The following BOC variants were observed in gnomAD, a reference collection of about 807,000 sequenced individuals.
The protein encoded by BOC is BOC cell adhesion associated, oncogene regulated.
Under a neutral mutation model 112.0 loss-of-function variants are expected in BOC, and 76 were observed. The ratio of observed to expected loss-of-function variants is 0.68; its 90% CI spans 0.56 to 0.82. The LOEUF is 0.82. BOC is among the 40% of genes least tolerant of loss of function. The pLI, the probability that BOC is intolerant of heterozygous loss-of-function variation, is 0.00. For missense variants in BOC, 1,309 were observed against 1,511.7 expected (o/e 0.87, Z 2.22); for synonymous variants, 580 against 599.8 (o/e 0.97, Z 0.48).
rs1339713809 is a variant in BOC at position 113,284,442 on chromosome 3, T to C, written c.2764T>C (p.Tyr922His). The C allele has an allele frequency of 1.9e-6, 3 of 1,614,220 alleles. No homozygotes were observed. The highest frequency in any genetic ancestry group is 2.5e-6 in the Non-Finnish European group (3 of 1,180,008). The change falls in exon 17 of 20, where the codon TAC (tyrosine) becomes CAC (histidine). Residue 922 changes from tyrosine to histidine, a missense_variant. Coordinates refer to ENST00000682979, the MANE Select transcript of BOC (RefSeq NM_001378074.1). ...AGGCCACCAGGCCAGTGGACAGCCC[T>C]ACCTCAGTGGCATCAGTGGACGGGC... Reference protein sequence around the residue: ...LPGHQASGQPYLSGISGRACA... With the variant: ...LPGHQASGQPHLSGISGRACA...
At chr3:113,235,408 A>C (rs533009516) in intron 2 of BOC, among the ~76,000 whole-genome samples, 1 of 152,212 alleles carries the variant, frequency 6.6e-6, no homozygotes, top group South Asian at 2.1e-4. Flanking sequence ...TGGGGCTGGG[A>C]GTGGGAGTCC....
intron 4 of BOC, among the ~76,000 whole-genome samples, chr3:113,252,318 C>T (rs1283607185): frequency 2.6e-5 from 4 of 152,204 alleles, no homozygotes; most frequent in African/African-American, 7.2e-5. Flanking sequence ...AGCAGCACCC[C>T]GTTATCCCTG....
At chr3:113,222,958 G>A (rs1261500641) in intron 2 of BOC, among the ~76,000 whole-genome samples, 3 of 152,214 alleles carry the variant, frequency 2.0e-5, no homozygotes, top group Non-Finnish European at 2.9e-5. Flanking sequence ...GGTGACAGAC[G>A]GTCCCTGCCA....
intron 4 of BOC, 119 bp downstream of exon 4, chr3:113,250,952 C>T (rs1204201903): frequency 2.3e-6 from 3 of 1,289,090 alleles, no homozygotes; most frequent in Non-Finnish European, 3.2e-6. Flanking sequence ...GCCTTAACTG[C>T]AGAAATGTCA....
intron 2 of BOC, among the ~76,000 whole-genome samples, chr3:113,222,707 G>T (rs1027067985): frequency 1.3e-5 from 2 of 150,368 alleles, no homozygotes; most frequent in African/African-American, 4.9e-5. Flanking sequence ...AGACGCAGGG[G>T]GGTGCCCAGC....
chr3:113,246,745 T>C (rs1944965662), intron 2 of BOC, among the ~76,000 whole-genome samples: 1 of 152,148 alleles, frequency 6.6e-6, no homozygotes, highest in African/African-American at 2.4e-5. Flanking sequence ...GCATCCTGTT[T>C]TGGGGTCCTT....
intron 2 of BOC, among the ~76,000 whole-genome samples, chr3:113,245,922 C>T (rs938752275): frequency 6.6e-6 from 1 of 152,180 alleles, no homozygotes; most frequent in African/African-American, 2.4e-5. Flanking sequence ...GAGCCGACGG[C>T]TTTTTGTGGT....
intron 19 of BOC, among the ~76,000 whole-genome samples, chr3:113,286,332 A>G (rs1175447644): frequency 6.6e-6 from 1 of 152,188 alleles, no homozygotes; most frequent in Non-Finnish European, 1.5e-5. Flanking sequence ...TGTAACCAGA[A>G]GCCATAGCAA....
intron 2 of BOC, among the ~76,000 whole-genome samples, chr3:113,220,449 A>G (rs1940389980): frequency 6.6e-6 from 1 of 152,116 alleles, no homozygotes; most frequent in Non-Finnish European, 1.5e-5. Context: ...GTGTGACTTT[A>G]TTTCCCTGTT....
At chr3:113,221,689 G>A (rs1940690418) in intron 2 of BOC, among the ~76,000 whole-genome samples, 1 of 152,220 alleles carries the variant, frequency 6.6e-6, no homozygotes, top group Non-Finnish European at 1.5e-5. Context: ...CTTCCTAAGT[G>A]TTCTCTCTGC....
chr3:113,211,478 CCCTCCT>C (rs55869342), upstream of BOC: 3 of 151,390 alleles, frequency 2.0e-5, no homozygotes, highest in Non-Finnish European at 4.4e-5. Flanking sequence ...CTCCTCCACT[CCCTCCT>C]CCTCCTCCTC....
chr3:113,282,686 G>C (rs1949305920), intron 15 of BOC, among the ~76,000 whole-genome samples: 2 of 152,026 alleles, frequency 1.3e-5, no homozygotes, highest in South Asian at 4.1e-4. Context: ...AATATACAGA[G>C]AGTACAGACG....
At position 113,274,264 on chromosome 3, in the gene BOC, G is replaced by C; in HGVS notation, c.1235-111G>C. On this transcript the variant is annotated intron_variant, in intron 8 of 19. Transcript: ENST00000682979. This position sits in a 1 kb window ranked among gnomAD's most constrained non-coding sequence, Gnocchi z 4.8. Reference sequence around the variant, plus strand: ...CAGAGTGGGTGGCGGTACAGCTGATGGTGGGCCCAGGTTGCCTCTCTGTCT... The same window carrying C: ...CAGAGTGGGTGGCGGTACAGCTGATCGTGGGCCCAGGTTGCCTCTCTGTCT... The C allele has an allele frequency of 9.6e-7, 1 of 1,044,452 alleles. No individual in the cohort carries two copies. The highest frequency in any genetic ancestry group is 1.3e-6 in the Non-Finnish European group (1 of 750,832). 64.7% of individuals were successfully genotyped at this position (1,044,452 alleles called of 1,614,324 possible).
At position 113,236,729 on chromosome 3, in the gene BOC, G is replaced by A. The variant is rs542330538; in HGVS notation, c.-81-12993G>A. ...GCAATGAACATTTTTTTAAAAAATG[G>A]AGCATGTCTTTAGGTCTTAAAGGAT... On this transcript the variant is annotated intron_variant, in intron 2 of 19. Transcript: ENST00000682979. Among the ~76,000 whole-genome samples, 8 of 152,096 alleles carry A rather than the reference G, an allele frequency of 5.3e-5. No individual in the cohort carries two copies. The South Asian group carries it at 1.2e-3, about 24-fold the overall frequency.
chr3:113,264,240 C>T (rs776917678), intron 4 of BOC, among the ~76,000 whole-genome samples: 17 of 152,088 alleles, frequency 1.1e-4, no homozygotes, highest in Non-Finnish European at 1.9e-4. Flanking sequence ...TTGATTAATG[C>T]GGACAAGTTA....
Position 113,274,433 on chromosome 3 carries a change from A to T in BOC, c.1293A>T (p.Ser431=), listed in dbSNP as rs1372589679. ...AELATGTPPV[S]PSKLGNPEQM... ...TGGCTACTGGCACACCTCCTGTATC[A>T]CCCTCCAAACTCGGCAACCCTGAGC... Residue 431 remains serine (S), a synonymous_variant, in exon 9 of 20, where the codon TCA becomes TCT. Coordinates refer to ENST00000682979, the MANE Select transcript of BOC (RefSeq NM_001378074.1). This position sits in a 1 kb window ranked among gnomAD's most constrained non-coding sequence, Gnocchi z 4.8. 6.3e-7 allele frequency: 1 copy of T among 1,597,936 alleles called. No homozygotes were observed. The highest frequency in any genetic ancestry group is 8.6e-7 in the Non-Finnish European group (1 of 1,169,126).
chr3:113,284,666 G>A (rs1400854271), intron 17 of BOC, 99 bp downstream of exon 17: 1 of 1,523,030 alleles, frequency 6.6e-7, no homozygotes, highest in Middle Eastern at 1.7e-4. Flanking sequence ...TCTCAGGCTG[G>A]GCTGCTGGGC....
chr3:113,280,062 C>A, intron 13 of BOC, 57 bp downstream of exon 13: 1 of 1,508,560 alleles, frequency 6.6e-7, no homozygotes. Context: ...AATGCCCTTC[C>A]CTGTGAGCCT....
chr3:113,215,870 T>C (rs990497740), intron 1 of BOC, among the ~76,000 whole-genome samples: 2 of 152,220 alleles, frequency 1.3e-5, no homozygotes, highest in Non-Finnish European at 2.9e-5. Flanking sequence ...ACTGATTTTA[T>C]ATGAGGCCTG....
Sources: allele counts gnomAD v4.1 joint callset (sites outside exome capture counted in the v4.1 genomes callset), GRCh38; gene constraint gnomAD v4.1.1; non-coding constraint Gnocchi (gnomAD v3.1); transcripts MANE v1.5; gene names NCBI Gene and HGNC (gene_info 2026-07-23, HGNC 2026-07-21).